PDIA6: variants seen among roughly 807,000 people sequenced by gnomAD.
PDIA6 encodes the protein protein disulfide-isomerase A6.
Under a neutral mutation model 58.4 loss-of-function variants are expected in PDIA6, and 29 were observed. The observed-to-expected ratio is 0.50, with a 90% CI of 0.37 to 0.68. The LOEUF is 0.68. PDIA6 is among the 30% of genes least tolerant of loss of function. The pLI is 0.00. For synonymous variants in PDIA6, 192 were observed against 202.6 expected (o/e 0.95, Z 0.44); for missense variants, 480 against 551.0 (o/e 0.87, Z 1.29).
At chr2:10,827,116 T>A (rs569975595) in intron 1 of PDIA6, among the ~76,000 whole-genome samples, 28 of 152,224 alleles carry the variant, frequency 1.8e-4, no homozygotes, top group African/African-American at 6.5e-4. Context: ...CAGGCTGGAG[T>A]GCAATGGCAC....
At chr2:10,804,027 A>G (rs917508944) in intron 1 of PDIA6, among the ~76,000 whole-genome samples, 29 of 149,362 alleles carry the variant, frequency 1.9e-4, no homozygotes, top group Admixed American at 1.8e-3. Context: ...TCCTGCCTCA[A>G]CCTCCTGAGT....
upstream of PDIA6, among the ~76,000 whole-genome samples, chr2:10,833,499 C>T (rs530171502): frequency 6.6e-6 from 1 of 152,156 alleles, no homozygotes; most frequent in Non-Finnish European, 1.5e-5. Flanking sequence ...GGAGTGGCCC[C>T]CAGAACCTCA....
chr2:10,815,686 A>C (rs191460791), upstream of PDIA6: 1 of 152,390 alleles, frequency 6.6e-6, no homozygotes, highest in African/African-American at 2.4e-5. Flanking sequence ...CTGGGACTAC[A>C]GGTGCACATC....
At chr2:10,825,910 C>CA (rs1667544391) in intron 1 of PDIA6, among the ~76,000 whole-genome samples, 1 of 152,178 alleles carries the variant, frequency 6.6e-6, no homozygotes, top group Non-Finnish European at 1.5e-5. Flanking sequence ...CTTTAGAGAA[C>CA]AGTCCAACAG....
chr2:10,802,663 A>G, intron 1 of PDIA6, 23 bp from the exon 2 acceptor site: 2 of 1,408,742 alleles, frequency 1.4e-6, no homozygotes, highest in Non-Finnish European at 1.9e-6. Context: ...ACAAAAGTGC[A>G]CCATTAACAG....
intron 1 of PDIA6, among the ~76,000 whole-genome samples, chr2:10,808,724 A>G (rs1446681350): frequency 6.6e-6 from 1 of 152,268 alleles, no homozygotes; most frequent in Admixed American, 6.5e-5. Context: ...CAGGTTATCC[A>G]GCATGATAGC....
rs1413525679 is a variant in PDIA6 at position 10,784,319 on chromosome 2, A to G, written c.1262T>C (p.Val421Ala). Reference sequence around the variant, plus strand: ...ATCACTGAGGTCAATGTCATCCTCCACGGGAAGCTGGGAGACGACAGAAAG... The same window carrying G: ...ATCACTGAGGTCAATGTCATCCTCCGCGGGAAGCTGGGAGACGACAGAAAG... ...PWDGRDGELPVEDDIDLSDVE... is the reference protein window; with the variant it reads ...PWDGRDGELPAEDDIDLSDVE... The change falls in exon 13 of 13, where the codon GTG (valine) becomes GCG (alanine). Residue 421 changes from valine (V) to alanine (A), a missense_variant. Physicochemically the swap from Val to Ala is moderately conservative, Grantham distance 64. Transcript: ENST00000272227. The G allele has an allele frequency of 1.2e-6, 2 of 1,612,824 alleles. No individual in the cohort carries two copies. The highest frequency in any genetic ancestry group is 2.7e-5 in the African/African-American group (2 of 74,858).
chr2:10,788,261 G>T (rs4669625), intron 10 of PDIA6, among the ~76,000 whole-genome samples: 74,033 of 151,874 alleles, frequency 0.49, 19,588 homozygotes, highest in Middle Eastern at 0.58. Flanking sequence ...CAATCACCAT[G>T]TAAAACATGA....
At chr2:10,836,794 T>TA (rs769633029), upstream of PDIA6, among the ~76,000 whole-genome samples, 37 of 151,004 alleles carry the variant, frequency 2.5e-4, no homozygotes, top group East Asian at 1.7e-3. Context: ...CTATGGGGAT[T>TA]AAAAAAAAAT....
At chr2:10,803,162 T>C (rs1666585344) in intron 1 of PDIA6, among the ~76,000 whole-genome samples, 1 of 152,204 alleles carries the variant, frequency 6.6e-6, no homozygotes, top group Non-Finnish European at 1.5e-5. Context: ...GGTAATTTAT[T>C]TATTTATATT....
upstream of PDIA6, among the ~76,000 whole-genome samples, chr2:10,817,338 C>T (rs564261612): frequency 1.8e-4 from 27 of 152,272 alleles, no homozygotes; most frequent in African/African-American, 6.3e-4. Flanking sequence ...CTGCAAACCC[C>T]CTGTGTCTAA....
At chr2:10,825,963 C>T (rs1313329540) in intron 1 of PDIA6, among the ~76,000 whole-genome samples, 2 of 152,164 alleles carry the variant, frequency 1.3e-5, no homozygotes, top group Non-Finnish European at 2.9e-5. Context: ...CCAGAAATTC[C>T]ACTCCTAGGC....
At chr2:10,824,092 C>T (rs1667480746) in intron 1 of PDIA6, among the ~76,000 whole-genome samples, 1 of 152,088 alleles carries the variant, frequency 6.6e-6, no homozygotes, top group East Asian at 1.9e-4. Context: ...GAGCACACTC[C>T]AGTAAACCTC....
chr2:10,833,593 T>C (rs1033210691), upstream of PDIA6, among the ~76,000 whole-genome samples: 13 of 152,210 alleles, frequency 8.5e-5, no homozygotes, highest in Admixed American at 3.9e-4. Context: ...GAGCCCCTTC[T>C]CAGAAGTTTC....
Position 10,783,903 on chromosome 2 carries a change from T to A in PDIA6, c.*355A>T, listed in dbSNP as rs1033542840. On this transcript the variant is annotated 3_prime_UTR_variant, in exon 13 of 13. Transcript: ENST00000272227. ...TTTATTCTTTAATGGAAAAAGCCAT[T>A]AATATTCAAATGAAGGGATCACATT... The A allele has an allele frequency of 1.1e-5, 2 of 174,196 alleles. No homozygotes were observed. Among genetic ancestry groups the A allele is most frequent in the African/African-American group, 4.7e-5 (2 of 42,224 alleles). The allele number at this position is 174,196 out of a possible 1,614,324, so 10.8% of individuals were successfully genotyped here.
intron 11 of PDIA6, 107 bp from the exon 12 acceptor site, chr2:10,785,137 G>C: frequency 1.3e-6 from 1 of 751,318 alleles, no homozygotes; most frequent in Non-Finnish European, 2.3e-6. Context: ...TTTATGCAGA[G>C]GCATTTCTTC....
At chr2:10,825,835 G>A (rs576569489) in intron 1 of PDIA6, among the ~76,000 whole-genome samples, 2 of 152,322 alleles carry the variant, frequency 1.3e-5, no homozygotes, top group South Asian at 2.1e-4. Context: ...ACAAGTGTTG[G>A]TGAAGAGGTG....
chr2:10,793,305 GGT>G, intron 4 of PDIA6, 103 bp from the exon 5 acceptor site: 1 of 721,492 alleles, frequency 1.4e-6, no homozygotes, highest in Non-Finnish European at 2.5e-6. Flanking sequence ...GGCTTCACCA[GGT>G]GTGACACAGT....
At chr2:10,784,484 A>G in intron 12 of PDIA6, 158 bp from the exon 13 acceptor site, 1 of 571,892 alleles carries the variant, frequency 1.7e-6, no homozygotes, top group South Asian at 2.4e-5. Context: ...ACCTATGATT[A>G]TACGGATGGA....
Sources: allele counts gnomAD v4.1 joint callset (sites outside exome capture counted in the v4.1 genomes callset), GRCh38; gene constraint gnomAD v4.1.1; transcripts MANE v1.5; gene names NCBI Gene and HGNC (gene_info 2026-07-23, HGNC 2026-07-21).